The following BCAS3 variants were observed in gnomAD, a reference collection of about 807,000 sequenced individuals.
BCAS3 encodes BCAS3 microtubule associated cell migration factor.
BCAS3 carries 53 observed loss-of-function variants against 116.1 expected under a neutral mutation model. That is an observed-to-expected ratio of 0.46 (90% CI 0.37 to 0.57). The LOEUF (loss-of-function observed/expected upper bound fraction) is 0.57, where lower values mean the gene tolerates loss of function less well. Ranked by LOEUF, BCAS3 falls within the 20% of genes least tolerant of loss-of-function variation. The pLI, the probability that BCAS3 is intolerant of heterozygous loss-of-function variation, is 0.00. For synonymous variants in BCAS3, 391 were observed against 408.2 expected (o/e 0.96, Z 0.51); for missense variants, 917 against 1,165.4 (o/e 0.79, Z 3.10).
intron 15 of BCAS3, among the ~76,000 whole-genome samples, chr17:61,014,155 T>A (rs1359569011): frequency 6.6e-6 from 1 of 152,170 alleles, no homozygotes; most frequent in Non-Finnish European, 1.5e-5. Flanking sequence ...TAAATGGGGT[T>A]GATAATTTTT....
chr17:61,237,568 T>A (rs1050605074), intron 22 of BCAS3, among the ~76,000 whole-genome samples: 3 of 152,222 alleles, frequency 2.0e-5, no homozygotes, highest in Non-Finnish European at 4.4e-5. Context: ...TTAAGAGCTG[T>A]AACACTCACC....
intron 6 of BCAS3, among the ~76,000 whole-genome samples, chr17:60,799,841 C>T (rs930388344): frequency 6.7e-6 from 1 of 149,530 alleles, no homozygotes; most frequent in Non-Finnish European, 1.5e-5. Context: ...TAGGCATGAG[C>T]CAATGAGACA....
intron 7 of BCAS3, among the ~76,000 whole-genome samples, chr17:60,830,762 T>G (rs371117275): frequency 6.6e-6 from 1 of 151,992 alleles, no homozygotes; most frequent in African/African-American, 2.4e-5. Context: ...ATGAATAGAT[T>G]ATTATTATCT....
chr17:61,187,969 T>C (rs768284201), intron 22 of BCAS3, among the ~76,000 whole-genome samples: 1 of 152,210 alleles, frequency 6.6e-6, no homozygotes. Flanking sequence ...TTTTTTTCTA[T>C]TCAGATTTCT....
chr17:60,772,960 C>T (rs2044878959), intron 6 of BCAS3, among the ~76,000 whole-genome samples: 1 of 152,144 alleles, frequency 6.6e-6, no homozygotes, highest in African/African-American at 2.4e-5. Context: ...GAGTCTTCAA[C>T]TTATTTGGGT....
At position 60,710,862 on chromosome 17, in the gene BCAS3, G is replaced by A. The variant is rs1162412112; in HGVS notation, c.321+1537G>A. 3.3e-5 allele frequency among the ~76,000 whole-genome samples: 5 copies of A among 151,294 alleles called. No individual in the cohort carries two copies. The East Asian group carries it at 9.7e-4, about 29-fold the overall frequency. On this transcript the variant is annotated intron_variant, in intron 5 of 23. Transcript: ENST00000407086. The stretch of plus-strand genomic sequence containing the variant: ...TTGTCACCCAGGCTCGAGGGCAGTG[G>A]CATGATTGTAATTCACTCTATCCTC...
chr17:61,193,642 A>C (rs1044305983), intron 22 of BCAS3, among the ~76,000 whole-genome samples: 46 of 151,732 alleles, frequency 3.0e-4, no homozygotes, highest in African/African-American at 9.2e-4. Flanking sequence ...CTGTAATCCC[A>C]GCTACTCTGG....
chr17:61,142,091 TA>T (rs1182806669), intron 22 of BCAS3, among the ~76,000 whole-genome samples: 2 of 152,114 alleles, frequency 1.3e-5, no homozygotes, highest in African/African-American at 4.8e-5. Context: ...TCTCTTGTTT[TA>T]TTTTTTTTTA....
In BCAS3 at chr17:61,329,278, G is replaced by T. The variant is rs571071746; in HGVS notation, c.2426-39049G>T. ...CACCGCCAAATACCAAAACATCAGG[G>T]GTTAGGGTTAATATAAACTTTGGGA... is the stretch of plus-strand genomic sequence containing the variant. On this transcript the variant is annotated intron_variant, in intron 22 of 23. Transcript: ENST00000407086. Among the ~76,000 whole-genome samples the T allele has an allele frequency of 2.0e-5, 3 of 152,022 alleles. No individual in the cohort carries two copies. In the South Asian group the frequency reaches 6.2e-4, roughly 32 times the overall value.
chr17:60,728,991 A>G (rs1047484250), intron 5 of BCAS3, among the ~76,000 whole-genome samples: 28 of 152,204 alleles, frequency 1.8e-4, no homozygotes, highest in African/African-American at 5.8e-4. Context: ...TCCAGTCAAT[A>G]TTTCTCCTCC....
At chr17:60,742,304 C>A (rs1032226025) in intron 5 of BCAS3, among the ~76,000 whole-genome samples, 5 of 151,772 alleles carry the variant, frequency 3.3e-5, no homozygotes, top group Non-Finnish European at 7.4e-5. Flanking sequence ...AGTGTGGATC[C>A]CCTATAGAAT....
At chr17:60,685,876 ATTT>A (rs879421285) in intron 3 of BCAS3, among the ~76,000 whole-genome samples, 8 of 146,142 alleles carry the variant, frequency 5.5e-5, no homozygotes, top group African/African-American at 2.0e-4. Flanking sequence ...TATATTAGAC[ATTT>A]TTTTTTTTTG....
chr17:61,308,734 T>C (rs2054062451), intron 22 of BCAS3, among the ~76,000 whole-genome samples: 1 of 152,178 alleles, frequency 6.6e-6, no homozygotes, highest in African/African-American at 2.4e-5. Flanking sequence ...TACTGGCCTT[T>C]TAGAACGGAT....
At chr17:60,770,465 C>G (rs2044561703) in intron 6 of BCAS3, among the ~76,000 whole-genome samples, 1 of 122,448 alleles carries the variant, frequency 8.2e-6, no homozygotes, top group African/African-American at 2.9e-5. Flanking sequence ...TGTCACCAGG[C>G]TGGAGTGCAG....
chr17:61,163,251 A>T (rs753168567), intron 22 of BCAS3, among the ~76,000 whole-genome samples: 5 of 151,886 alleles, frequency 3.3e-5, no homozygotes, highest in Non-Finnish European at 7.4e-5. Context: ...GGTGAAACCC[A>T]GTCTCTACTA....
Position 60,786,149 on chromosome 17 carries a change from A to C in BCAS3, c.404-21855A>C, listed in dbSNP as rs1161739198. Among the ~76,000 whole-genome samples, 3 of 152,260 alleles carry C rather than the reference A, an allele frequency of 2.0e-5. No individual in the cohort carries two copies. In the East Asian group the frequency reaches 5.8e-4, roughly 29 times the overall value. ...ATTCAGGATTGAATTACCACGGATA[A>C]AATTATGTCAGTAATTTCAGGGTAT... On this transcript the variant is annotated intron_variant, in intron 6 of 23. Transcript: ENST00000407086.
intron 22 of BCAS3, among the ~76,000 whole-genome samples, chr17:61,192,194 C>T (rs9893705): frequency 0.23 from 32,292 of 138,730 alleles, 4,013 homozygotes; most frequent in African/African-American, 0.36. Flanking sequence ...TGCAGTGAGC[C>T]GAGATTGCAC....
At chr17:61,245,281 A>G (rs984834689) in intron 22 of BCAS3, 24 of 152,202 alleles carry the variant, frequency 1.6e-4, no homozygotes, top group African/African-American at 5.8e-4. Flanking sequence ...TGATTCAATT[A>G]TCTCCACCTG....
chr17:60,744,546 T>C (rs2041871315), intron 5 of BCAS3, among the ~76,000 whole-genome samples: 1 of 152,218 alleles, frequency 6.6e-6, no homozygotes, highest in Non-Finnish European at 1.5e-5. Flanking sequence ...CCACAGACTA[T>C]TTGGAGAGTT....
Sources: allele counts gnomAD v4.1 joint callset (sites outside exome capture counted in the v4.1 genomes callset), GRCh38; gene constraint gnomAD v4.1.1; transcripts MANE v1.5; gene names NCBI Gene and HGNC (gene_info 2026-07-23, HGNC 2026-07-21).